The following MREG variants were observed in gnomAD, a reference collection of about 807,000 sequenced individuals.
MREG encodes the protein melanoregulin.
Under a neutral mutation model 28.5 loss-of-function variants are expected in MREG, and 31 were observed. The ratio of observed to expected loss-of-function variants is 1.09; its 90% CI spans 0.82 to 1.47. The LOEUF (loss-of-function observed/expected upper bound fraction) is 1.47, where lower values mean the gene tolerates loss of function less well. Among genes scored for constraint, MREG ranks in the 40% most tolerant of loss-of-function variants. The probability of loss-of-function intolerance (pLI) is 0.00; values close to 1 mark genes in which losing one functional copy is unlikely to be tolerated. For missense variants in MREG, 256 were observed against 257.4 expected (o/e 0.99, Z 0.04); for synonymous variants, 106 against 95.2 (o/e 1.11, Z -0.66).
intron 2 of MREG, among the ~76,000 whole-genome samples, chr2:215,948,632 T>C (rs550449117): frequency 3.3e-5 from 5 of 152,336 alleles, no homozygotes; most frequent in Non-Finnish European, 7.4e-5. Context: ...AAGGGCCTTA[T>C]TATACTTACT....
In MREG at chr2:215,945,575, A is replaced by G; in HGVS notation, c.506T>C (p.Val169Ala). The G allele has an allele frequency of 6.2e-7, 1 of 1,612,302 alleles. No homozygotes were observed. Among genetic ancestry groups the G allele is most frequent in the Non-Finnish European group, 8.5e-7 (1 of 1,179,438 alleles). The change falls in exon 4 of 5, where the codon GTT becomes GCT. Residue 169 changes from valine to alanine, a missense_variant. By Grantham distance (64) the Val-to-Ala change is moderately conservative. Coordinates refer to ENST00000263268, the MANE Select transcript of MREG (RefSeq NM_018000.3). ...TGAAAAAAAGCATCCACTTACCACA[A>G]CAAAGAGATATCTCTCTGAGAGCTC... ...SWELSERYLF[V>A]VDRLIALDAA...
intron 2 of MREG, among the ~76,000 whole-genome samples, chr2:215,988,534 G>A (rs1483211144): frequency 1.3e-5 from 2 of 152,120 alleles, no homozygotes; most frequent in East Asian, 3.9e-4. Flanking sequence ...TGGAACACCA[G>A]CGACACAGAA....
intron 2 of MREG, among the ~76,000 whole-genome samples, chr2:215,978,901 T>C (rs111322210): frequency 1.3e-5 from 2 of 152,348 alleles, no homozygotes; most frequent in African/African-American, 4.8e-5. Flanking sequence ...ATAAGAGCTA[T>C]TTATGACAAA....
rs144377438 is a variant in MREG, at chr2:215,986,092, T to C, written c.255+10214A>G. On this transcript the variant is annotated intron_variant, in intron 2 of 4. Coordinates refer to ENST00000263268, the MANE Select transcript of MREG (RefSeq NM_018000.3). ...ATTATCTTGGACAAAACAACAATAA[T>C]CATAACTAGTAGTAGTCCTTGCTAT... Among the ~76,000 whole-genome samples the C allele has an allele frequency of 8.5e-5, 13 of 152,328 alleles. No homozygotes were observed. The East Asian group carries it at 2.5e-3, about 29-fold the overall frequency.
At chr2:215,979,819 G>A (rs1241695158) in intron 2 of MREG, among the ~76,000 whole-genome samples, 5 of 151,998 alleles carry the variant, frequency 3.3e-5, no homozygotes, top group African/African-American at 1.2e-4. Flanking sequence ...TCAATACTGA[G>A]TAGGTCACTG....
chr2:215,945,854 T>C, intron 3 of MREG, 120 bp from the exon 4 acceptor site: 1 of 821,222 alleles, frequency 1.2e-6, no homozygotes, highest in Non-Finnish European at 1.8e-6. Context: ...GCATAAAGCA[T>C]CAGAAAACTG....
intron 2 of MREG, among the ~76,000 whole-genome samples, chr2:215,978,317 C>G (rs1171230775): frequency 6.6e-6 from 1 of 152,164 alleles, no homozygotes; most frequent in Non-Finnish European, 1.5e-5. Context: ...CATACACCCT[C>G]CCAAGACTAA....
chr2:215,994,956 G>C (rs13397803), intron 2 of MREG, among the ~76,000 whole-genome samples: 1 of 152,090 alleles, frequency 6.6e-6, no homozygotes, highest in Admixed American at 6.5e-5. Flanking sequence ...AGAGTCAGGG[G>C]AGAAGAGGAA....
intron 2 of MREG, among the ~76,000 whole-genome samples, chr2:215,993,879 G>A (rs577281565): frequency 3.9e-5 from 6 of 152,338 alleles, no homozygotes; most frequent in East Asian, 1.9e-4. Context: ...TCTCATGCCA[G>A]TTAGAATGGC....
At chr2:215,953,005 C>T (rs1220651429) in intron 2 of MREG, among the ~76,000 whole-genome samples, 2 of 152,104 alleles carry the variant, frequency 1.3e-5, no homozygotes, top group Non-Finnish European at 2.9e-5. Flanking sequence ...TATCTCATTG[C>T]AAGGGAGGCT....
intron 2 of MREG, among the ~76,000 whole-genome samples, chr2:215,974,214 T>C (rs1693180640): frequency 6.6e-6 from 1 of 151,892 alleles, no homozygotes; most frequent in South Asian, 2.1e-4. Flanking sequence ...AGCATGACCA[T>C]GTGTAAGGAT....
At chr2:215,984,363 T>C (rs957442381) in intron 2 of MREG, among the ~76,000 whole-genome samples, 1 of 151,612 alleles carries the variant, frequency 6.6e-6, no homozygotes, top group Admixed American at 6.6e-5. Flanking sequence ...TAACCAAAAA[T>C]GTAAGAGCAG....
intron 1 of MREG, among the ~76,000 whole-genome samples, chr2:216,020,224 C>T (rs2105929834): frequency 6.6e-6 from 1 of 152,284 alleles, no homozygotes; most frequent in Admixed American, 6.5e-5. Context: ...AAAAACATCA[C>T]TCAAACTAGT....
chr2:216,013,259 G>T lies in MREG; in HGVS notation c.69C>A (p.Ala23=). The change falls in exon 1 of 5, where the codon GCC becomes GCA. Residue 23 remains alanine, a synonymous_variant. Transcript: ENST00000263268. Reference sequence around the variant, plus strand: ...TGACGAGGGGCTCCTTCTCAGGCAGGGCGCGCTCCTCCAAGCACTCGCACC... The same window carrying T: ...TGACGAGGGGCTCCTTCTCAGGCAGTGCGCGCTCCTCCAAGCACTCGCACC... The part of the protein sequence containing the change: ...CCGCECLEER[A]LPEKEPLVSD... 6.5e-7 allele frequency: 1 copy of T among 1,549,732 alleles called. No individual in the cohort carries two copies.
intron 2 of MREG, among the ~76,000 whole-genome samples, chr2:215,984,346 A>C (rs1693507955): frequency 6.6e-6 from 1 of 151,900 alleles, no homozygotes; most frequent in Non-Finnish European, 1.5e-5. Flanking sequence ...GTTAGCATAC[A>C]TCTCCTTAAC....
At chr2:215,969,685 C>T (rs929612370) in intron 2 of MREG, among the ~76,000 whole-genome samples, 9 of 152,118 alleles carry the variant, frequency 5.9e-5, no homozygotes, top group Non-Finnish European at 8.8e-5. Context: ...CCCAAGGCCA[C>T]GCATTATATA....
chr2:215,978,878 A>G (rs1194202074), intron 2 of MREG, among the ~76,000 whole-genome samples: 1 of 152,224 alleles, frequency 6.6e-6, no homozygotes, highest in African/African-American at 2.4e-5. Flanking sequence ...TTGATGGAAC[A>G]TATCTCAAAA....
chr2:216,022,274 ACTCATC>A (rs747086303), intron 1 of MREG, among the ~76,000 whole-genome samples: 41 of 151,890 alleles, frequency 2.7e-4, no homozygotes, highest in Non-Finnish European at 4.6e-4. Context: ...TAATAACAGT[ACTCATC>A]CTCAGAGTAC....
chr2:216,004,567 A>AC (rs985612944), intron 1 of MREG, among the ~76,000 whole-genome samples: 2 of 150,514 alleles, frequency 1.3e-5, no homozygotes, highest in African/African-American at 2.5e-5. Context: ...AAACAAACAA[A>AC]AAAAAAAAAC....
Sources: gnomAD v4.1 joint callset for allele counts (sites outside exome capture counted in the v4.1 genomes callset) on GRCh38, gnomAD v4.1.1 for gene constraint, MANE v1.5 for transcripts, NCBI Gene and HGNC (gene_info 2026-07-23, HGNC 2026-07-21) for gene names.